Variants in ASXL3 observed in about 807,000 individuals in gnomAD.
ASXL3 encodes the protein ASXL transcriptional regulator 3, also known as putative Polycomb group protein ASXL3.
Under a neutral mutation model 170.6 loss-of-function variants are expected in ASXL3, and 34 were observed. The observed-to-expected ratio is 0.20, with a 90% confidence interval of 0.15 to 0.27. ASXL3 has a LOEUF of 0.27. ASXL3 is among the 10% of genes least tolerant of loss of function. The pLI, the probability that ASXL3 is intolerant of heterozygous loss-of-function variation, is 1.00. For synonymous variants in ASXL3, 1,002 were observed against 989.1 expected (o/e 1.01, Z -0.24); for missense variants, 2,592 against 2,695.3 (o/e 0.96, Z 0.85).
chr18:33,637,618 T>C (rs1051914235), intron 2 of ASXL3, among the ~76,000 whole-genome samples: 2 of 152,166 alleles, frequency 1.3e-5, no homozygotes, highest in Admixed American at 1.3e-4. Flanking sequence ...TTTTAATATA[T>C]AAAATTTACT....
rs773327472 is a variant in ASXL3, at chr18:33,683,502, G to A, written c.813G>A (p.Thr271=). The A allele has an allele frequency of 9.3e-6, 15 of 1,613,220 alleles. No individual in the cohort carries two copies. In the East Asian group the frequency reaches 2.0e-4, roughly 22 times the overall value. ...TNLRALINKH[T]FASLPQHFQQ... ...TGAGGGCATTAATAAATAAACATACGTTTGCTTCCTTACCTCAGCATTTTC... is the reference window on the plus strand; with the variant it reads ...TGAGGGCATTAATAAATAAACATACATTTGCTTCCTTACCTCAGCATTTTC... The change falls in exon 8 of 12, where the codon ACG becomes ACA. Residue 271 remains threonine, a synonymous_variant. Transcript: ENST00000269197.
intron 8 of ASXL3, among the ~76,000 whole-genome samples, chr18:33,701,668 C>T (rs1347618662): frequency 6.6e-6 from 1 of 152,004 alleles, no homozygotes; most frequent in Admixed American, 6.6e-5. Context: ...GAATTTTATC[C>T]TTGGCTTTCA....
chr18:33,655,342 T>C (rs1407562934), intron 4 of ASXL3, among the ~76,000 whole-genome samples: 1 of 152,062 alleles, frequency 6.6e-6, no homozygotes. Flanking sequence ...ACATTAGGTA[T>C]GTTTCATTAT....
chr18:33,615,852 C>T (rs1297762743), intron 2 of ASXL3, among the ~76,000 whole-genome samples: 1 of 152,098 alleles, frequency 6.6e-6, no homozygotes, highest in Non-Finnish European at 1.5e-5. Context: ...TTACACCTTA[C>T]ATTTAGATAA....
chr18:33,728,762 A>G (rs2067391283), intron 8 of ASXL3, among the ~76,000 whole-genome samples: 1 of 152,144 alleles, frequency 6.6e-6, no homozygotes, highest in Admixed American at 6.6e-5. Context: ...TTTTACTGAA[A>G]TACTCCGATA....
chr18:33,582,706 C>CTGTGTG lies in ASXL3; in HGVS notation c.54+4051_54+4056dup, dbSNP rs34434614. On this transcript the variant is annotated intron_variant, in intron 1 of 11. Coordinates refer to ENST00000269197, the MANE Select transcript of ASXL3 (RefSeq NM_030632.3). ...CATCAGTTTGTTGGTTGGTTTTTTT[C>CTGTGTG]TGTGTGTGTGTGTGTGTGTGTGTGT... Among the ~76,000 whole-genome samples the CTGTGTG allele has an allele frequency of 7.0e-3, 951 of 136,012 alleles. 5 individuals are homozygous for CTGTGTG. The highest frequency in any genetic ancestry group is 0.011 in the Non-Finnish European group (671 of 62,226). The allele number at this position is 136,012 out of a possible 152,430, so 89.2% of individuals were successfully genotyped here.
intron 8 of ASXL3, among the ~76,000 whole-genome samples, chr18:33,714,602 C>G (rs1367526564): frequency 6.6e-6 from 1 of 152,118 alleles, no homozygotes; most frequent in Non-Finnish European, 1.5e-5. Context: ...TCTCGTATTT[C>G]CCATAAGAAG....
intron 2 of ASXL3, among the ~76,000 whole-genome samples, chr18:33,617,224 G>C (rs768223335): frequency 4.6e-5 from 7 of 152,106 alleles, no homozygotes; most frequent in Non-Finnish European, 8.8e-5. Context: ...GGGTGCAGTG[G>C]CTCACACCTG....
At chr18:33,635,992 A>G (rs771328316) in intron 2 of ASXL3, among the ~76,000 whole-genome samples, 2 of 152,188 alleles carry the variant, frequency 1.3e-5, no homozygotes, top group Non-Finnish European at 2.9e-5. Flanking sequence ...TGGAAGTAGT[A>G]AGGGCAGGAA....
intron 1 of ASXL3, among the ~76,000 whole-genome samples, chr18:33,589,264 G>A (rs2065058905): frequency 2.0e-5 from 3 of 152,162 alleles, no homozygotes; most frequent in African/African-American, 7.2e-5. Context: ...ATAAGATAAT[G>A]TGTGTAGCGT....
chr18:33,633,917 A>G (rs2065725969), intron 2 of ASXL3, among the ~76,000 whole-genome samples: 2 of 152,078 alleles, frequency 1.3e-5, no homozygotes, highest in Admixed American at 6.6e-5. Flanking sequence ...AGAATTCTAT[A>G]GAATATTAAG....
chr18:33,578,497 G>C lies in ASXL3; in HGVS notation c.-135G>C. ...CGCCGCCGCCGCCGCCGCCGCCGCC[G>C]CCACCGCCCGCGCGCCTCCCCCCGC... On this transcript the variant is annotated 5_prime_UTR_variant, in exon 1 of 12. Transcript: ENST00000269197. 3.7e-6 allele frequency: 1 copy of C among 272,642 alleles called. No individual in the cohort carries two copies. Among genetic ancestry groups the C allele is most frequent in the Non-Finnish European group, 5.6e-6 (1 of 179,388 alleles). The allele number at this position is 272,642 out of a possible 1,614,324, so 16.9% of individuals were successfully genotyped here.
intron 1 of ASXL3, among the ~76,000 whole-genome samples, chr18:33,603,086 A>G (rs1004607063): frequency 3.9e-5 from 6 of 152,064 alleles, no homozygotes; most frequent in Non-Finnish European, 4.4e-5. Context: ...TGGTACTTAA[A>G]TTGTAGGGAT....
At chr18:33,698,338 A>T (rs2066810298) in intron 8 of ASXL3, among the ~76,000 whole-genome samples, 1 of 152,140 alleles carries the variant, frequency 6.6e-6, no homozygotes, top group South Asian at 2.1e-4. Flanking sequence ...GAACTGTGAC[A>T]AAATACATTT....
At chr18:33,595,046 A>G (rs1287403791) in intron 1 of ASXL3, among the ~76,000 whole-genome samples, 1 of 152,186 alleles carries the variant, frequency 6.6e-6, no homozygotes, top group African/African-American at 2.4e-5. Flanking sequence ...ACTGGTCTGT[A>G]GAAAGCCTGT....
chr18:33,744,393 G>A lies in ASXL3; in HGVS notation c.4545G>A (p.Ala1515=), dbSNP rs761936673. 51 of 1,613,740 alleles carry A rather than the reference G, an allele frequency of 3.2e-5. No individual in the cohort carries two copies. In the East Asian group the frequency reaches 4.5e-4, roughly 14 times the overall value. Residue 1515 remains alanine, a synonymous_variant, in exon 12 of 12, where the codon GCG becomes GCA. Transcript: ENST00000269197. ...CAGAGGCATCCGTACAGCCCGTGGC[G>A]TGTCCTCAGGTGTCTGTGATTAGCA... is the stretch of plus-strand genomic sequence containing the variant. The part of the protein sequence containing the change: ...VRTEASVQPV[A]CPQVSVISRP...
intron 8 of ASXL3, among the ~76,000 whole-genome samples, chr18:33,695,348 A>G (rs1190169449): frequency 6.6e-6 from 1 of 152,118 alleles, no homozygotes; most frequent in Admixed American, 6.6e-5. Context: ...TTCTTGCCTA[A>G]GTCACTTACT....
In ASXL3 at chr18:33,743,364, T is replaced by C. The variant is rs181709377; in HGVS notation, c.3516T>C (p.Ser1172=). The C allele has an allele frequency of 2.5e-6, 4 of 1,613,464 alleles. No individual in the cohort carries two copies. In the African/African-American group the frequency reaches 5.3e-5, roughly 22 times the overall value. The stretch of plus-strand genomic sequence containing the variant: ...ACTGTAGATCTCCTAGCAACAAGTC[T>C]GCCCACCTCCGGGAGACCACCACTG... ...NPNCRSPSNK[S]AHLRETTTVL... The change falls in exon 12 of 12, where the codon TCT becomes TCC. Residue 1172 remains serine (S), a synonymous_variant. Transcript: ENST00000269197.
At chr18:33,698,749 C>A (rs2145320262) in intron 8 of ASXL3, among the ~76,000 whole-genome samples, 1 of 152,182 alleles carries the variant, frequency 6.6e-6, no homozygotes, top group South Asian at 2.1e-4. Context: ...AATACACTTC[C>A]AATGATATTT....
Sources: gnomAD v4.1 joint callset for allele counts (sites outside exome capture counted in the v4.1 genomes callset) on GRCh38, gnomAD v4.1.1 for gene constraint, MANE v1.5 for transcripts, NCBI Gene and HGNC (gene_info 2026-07-23, HGNC 2026-07-21) for gene names.